Variants in DLGAP2 observed in about 807,000 individuals in gnomAD.
DLGAP2 encodes disks large-associated protein 2.
In DLGAP2, 26 loss-of-function variants were observed where a neutral mutation model predicts 100.3. The ratio of observed to expected loss-of-function variants is 0.26; its 90% confidence interval spans 0.19 to 0.36. The LOEUF is 0.36. Ranked by LOEUF, DLGAP2 falls within the 10% of genes least tolerant of loss-of-function variation. The pLI is 1.00. For missense variants in DLGAP2, 1,858 were observed against 1,453.2 expected, an observed-to-expected ratio of 1.28 and a Z score of -4.53; for synonymous variants, 886 against 630.1, an observed-to-expected ratio of 1.41 and a Z score of -6.08.
intron 3 of DLGAP2, among the ~76,000 whole-genome samples, chr8:1,327,356 T>A (rs552208944): frequency 1.3e-5 from 2 of 152,260 alleles, no homozygotes; most frequent in East Asian, 3.9e-4. Flanking sequence ...ATGTAAAAGG[T>A]CATTAGTCTC....
At chr8:944,056 C>T (rs1343395863) in intron 2 of DLGAP2, among the ~76,000 whole-genome samples, 5 of 152,228 alleles carry the variant, frequency 3.3e-5, no homozygotes, top group Admixed American at 2.6e-4. Context: ...GGCGTAGAGA[C>T]CATTTGGTAT....
chr8:994,194 G>A lies in DLGAP2; in HGVS notation c.73+86228G>A, dbSNP rs374468851. ...TTATTTTGACCTAAACATCCTTATG[G>A]TGTTTTGTTTTGTTTTATTTTTTGA... is the stretch of plus-strand genomic sequence containing the variant. On this transcript the variant is annotated intron_variant, in intron 2 of 14. Transcript: ENST00000637795. Among the ~76,000 whole-genome samples the A allele has an allele frequency of 8.5e-5, 13 of 152,140 alleles. 1 individual carries two copies. In the South Asian group the frequency reaches 2.7e-3, roughly 32 times the overall value.
chr8:777,894 C>T (rs1394753925), intron 1 of DLGAP2, among the ~76,000 whole-genome samples: 1 of 152,114 alleles, frequency 6.6e-6, no homozygotes, highest in Admixed American at 6.5e-5. Flanking sequence ...TGAACGTCGG[C>T]CTGCCTTGCT....
At chr8:1,580,246 G>A (rs1253216209) in intron 6 of DLGAP2, among the ~76,000 whole-genome samples, 1 of 152,196 alleles carries the variant, frequency 6.6e-6, no homozygotes, top group Non-Finnish European at 1.5e-5. Context: ...GGCACAGTGG[G>A]CCTGGCTAAA....
intron 2 of DLGAP2, among the ~76,000 whole-genome samples, chr8:1,012,394 T>G (rs1178058990): frequency 6.6e-6 from 1 of 152,256 alleles, no homozygotes; most frequent in Non-Finnish European, 1.5e-5. Flanking sequence ...AAATGCTTCT[T>G]GGACCCACAG....
intron 1 of DLGAP2, among the ~76,000 whole-genome samples, chr8:836,272 C>A (rs914333877): frequency 1.3e-5 from 2 of 152,180 alleles, no homozygotes; most frequent in Non-Finnish European, 1.5e-5. Context: ...TGACTGTCCC[C>A]GTCCATGTTC....
chr8:1,589,853 G>C (rs573703932), intron 6 of DLGAP2, among the ~76,000 whole-genome samples: 1 of 152,164 alleles, frequency 6.6e-6, no homozygotes, highest in African/African-American at 2.4e-5. Flanking sequence ...AGCTTTCTGA[G>C]GTCACTTCTG....
At chr8:905,835 C>T (rs1031592440) in intron 1 of DLGAP2, among the ~76,000 whole-genome samples, 1 of 146,070 alleles carries the variant, frequency 6.8e-6, no homozygotes, top group Non-Finnish European at 1.5e-5. Context: ...TCCTACTGAC[C>T]TCACATGCAT....
At position 1,056,557 on chromosome 8, in the gene DLGAP2, C is replaced by T. The variant is rs528344191; in HGVS notation, c.73+148591C>T. Among the ~76,000 whole-genome samples the T allele has an allele frequency of 7.9e-5, 12 of 152,322 alleles. No homozygotes were observed. The South Asian group carries it at 2.5e-3, about 32-fold the overall frequency. On this transcript the variant is annotated intron_variant, in intron 2 of 14. Transcript: ENST00000637795. ...TTTTTCCCCTAAGCCAGCAGGACTC[C>T]AACTAATGACTTCCAAAATGTGTGT... is the stretch of plus-strand genomic sequence containing the variant.
At chr8:905,589 C>T (rs1301435587) in intron 1 of DLGAP2, among the ~76,000 whole-genome samples, 2 of 152,104 alleles carry the variant, frequency 1.3e-5, no homozygotes, top group African/African-American at 2.4e-5. Context: ...GGAGTGAGGG[C>T]CCTGCCTGTC....
chr8:1,277,851 C>T (rs533735908), intron 3 of DLGAP2, among the ~76,000 whole-genome samples: 2 of 152,278 alleles, frequency 1.3e-5, no homozygotes, highest in South Asian at 4.2e-4. Flanking sequence ...GCAGTGACTG[C>T]ACAAGGACAG....
At chr8:1,249,791 C>T (rs545241758) in intron 2 of DLGAP2, among the ~76,000 whole-genome samples, 23 of 152,316 alleles carry the variant, frequency 1.5e-4, no homozygotes, top group Non-Finnish European at 2.6e-4. Flanking sequence ...TCTTAACCCT[C>T]GGTGCACATC....
intron 3 of DLGAP2, among the ~76,000 whole-genome samples, chr8:1,435,352 C>T (rs375325346): frequency 7.9e-5 from 12 of 152,168 alleles, no homozygotes; most frequent in African/African-American, 2.9e-4. Flanking sequence ...CATCACGCAC[C>T]GCACACGGGT....
intron 6 of DLGAP2, among the ~76,000 whole-genome samples, chr8:1,582,620 C>A (rs929917928): frequency 6.6e-6 from 1 of 152,018 alleles, no homozygotes; most frequent in African/African-American, 2.4e-5. Flanking sequence ...GATGGAGTCT[C>A]GCTCCGTCAC....
intron 1 of DLGAP2, among the ~76,000 whole-genome samples, chr8:858,911 C>A (rs1440130488): frequency 1.3e-5 from 2 of 152,066 alleles, no homozygotes; most frequent in African/African-American, 4.8e-5. Context: ...TCGCTCCTTA[C>A]AGCAAATGTT....
intron 3 of DLGAP2, among the ~76,000 whole-genome samples, chr8:1,361,428 T>G (rs2129658602): frequency 6.6e-6 from 1 of 152,362 alleles, no homozygotes; most frequent in Non-Finnish European, 1.5e-5. Flanking sequence ...ATGTGTTGCC[T>G]TTAAAAATTA....
chr8:1,550,085 G>A (rs1801709135), intron 5 of DLGAP2, among the ~76,000 whole-genome samples: 1 of 152,166 alleles, frequency 6.6e-6, no homozygotes, highest in African/African-American at 2.4e-5. Context: ...GAGTTCAGCT[G>A]TTTCAGATGC....
chr8:1,512,723 C>T (rs182782034), intron 4 of DLGAP2, among the ~76,000 whole-genome samples: 1 of 152,218 alleles, frequency 6.6e-6, no homozygotes, highest in Non-Finnish European at 1.5e-5. Flanking sequence ...CTCGCTGTGT[C>T]CATGGAGTAG....
At chr8:1,186,477 G>C (rs915142213) in intron 2 of DLGAP2, among the ~76,000 whole-genome samples, 1 of 152,316 alleles carries the variant, frequency 6.6e-6, no homozygotes, top group East Asian at 1.9e-4. Context: ...AAGCCAGCGA[G>C]TACCCATCAA....
Sources: gnomAD v4.1 joint callset for allele counts (sites outside exome capture counted in the v4.1 genomes callset) on GRCh38, gnomAD v4.1.1 for gene constraint, MANE v1.5 for transcripts, NCBI Gene and HGNC (gene_info 2026-07-23, HGNC 2026-07-21) for gene names.